CCSER2: variants seen among roughly 807,000 people sequenced by gnomAD.
CCSER2 encodes the protein coiled-coil serine rich protein 2.
A neutral mutation model predicts 92.3 loss-of-function variants in CCSER2; 46 were observed. The ratio of observed to expected loss-of-function variants is 0.50; its 90% CI spans 0.39 to 0.64. CCSER2 has a LOEUF of 0.64. Among genes scored for constraint, CCSER2 ranks in the 30% least tolerant of loss-of-function variants. The pLI, the probability that CCSER2 is intolerant of heterozygous loss-of-function variation, is 0.00. For missense variants in CCSER2, 1,244 were observed against 1,238.9 expected, an observed-to-expected ratio of 1.00 and a Z score of -0.06; for synonymous variants, 433 against 431.4, an observed-to-expected ratio of 1.00 and a Z score of -0.04.
At chr10:84,446,772 C>T (rs1240225305) in intron 6 of CCSER2, among the ~76,000 whole-genome samples, 1 of 151,988 alleles carries the variant, frequency 6.6e-6, no homozygotes. Flanking sequence ...TAGAGTTTTC[C>T]CTTGTTTTTC....
intron 6 of CCSER2, among the ~76,000 whole-genome samples, chr10:84,463,205 C>T (rs1180371994): frequency 6.6e-6 from 1 of 152,078 alleles, no homozygotes; most frequent in Non-Finnish European, 1.5e-5. Context: ...TTATTTCAGC[C>T]TTTTTTGAGG....
intron 1 of CCSER2, among the ~76,000 whole-genome samples, chr10:84,330,813 TA>T (rs140056524): frequency 1.3e-5 from 2 of 151,940 alleles, no homozygotes; most frequent in East Asian, 1.9e-4. Context: ...CCAGTTATGT[TA>T]AAAAAAATCC....
chr10:84,457,314 T>TA lies in CCSER2; in HGVS notation c.2065-6617dup, dbSNP rs1564684999. 6.4e-4 allele frequency among the ~76,000 whole-genome samples: 45 copies of TA among 70,774 alleles called. 1 individual carries two copies. The highest frequency in any genetic ancestry group is 3.2e-3 in the East Asian group (8 of 2,492). The allele number at this position is 70,774 out of a possible 152,430, so 46.4% of individuals were successfully genotyped here. On this transcript the variant is annotated intron_variant, in intron 6 of 9. Coordinates refer to ENST00000372088, the MANE Select transcript of CCSER2 (RefSeq NM_001284240.2). The stretch of plus-strand genomic sequence containing the variant: ...TATATTATATATAATATGTTATATA[T>TA]AATATATTATATATAATATATTATA...
intron 3 of CCSER2, among the ~76,000 whole-genome samples, chr10:84,412,390 C>G (rs1408722434): frequency 6.6e-6 from 1 of 151,418 alleles, no homozygotes; most frequent in Non-Finnish European, 1.5e-5. Flanking sequence ...TTGTGTACCT[C>G]TGATAGAATT....
At chr10:84,340,834 C>T (rs537512309) in intron 1 of CCSER2, among the ~76,000 whole-genome samples, 1 of 152,102 alleles carries the variant, frequency 6.6e-6, no homozygotes, top group African/African-American at 2.4e-5. Flanking sequence ...GTTCAACAAA[C>T]GTTTTTTGGC....
At chr10:84,453,855 TC>T (rs796430474) in intron 6 of CCSER2, among the ~76,000 whole-genome samples, 39 of 152,332 alleles carry the variant, frequency 2.6e-4, no homozygotes, top group African/African-American at 8.7e-4. Context: ...ATTAATACTT[TC>T]CTTCTTTAAT....
At chr10:84,396,548 G>A (rs1841851104) in intron 3 of CCSER2, among the ~76,000 whole-genome samples, 1 of 151,824 alleles carries the variant, frequency 6.6e-6, no homozygotes, top group Non-Finnish European at 1.5e-5. Context: ...TTTGGGTTCT[G>A]CCCACATCGT....
At chr10:84,464,104 G>T in intron 7 of CCSER2, 88 bp downstream of exon 7, 1 of 660,310 alleles carries the variant, frequency 1.5e-6, no homozygotes, top group South Asian at 2.0e-5. Context: ...AATAATAAAT[G>T]TATTAATACC....
chr10:84,508,509 G>A (rs946193373), intron 9 of CCSER2, among the ~76,000 whole-genome samples: 7 of 152,156 alleles, frequency 4.6e-5, no homozygotes, highest in Non-Finnish European at 1.0e-4. Flanking sequence ...GATAGAGCCA[G>A]GATTCAAACT....
rs371422531 is a variant in CCSER2 at position 84,512,932 on chromosome 10, CTG to C, written c.2326-516_2326-515del. Among the ~76,000 whole-genome samples the C allele has an allele frequency of 4.3e-4, 65 of 152,282 alleles. No homozygotes were observed. In the East Asian group the frequency reaches 9.6e-3, roughly 23 times the overall value. On this transcript the variant is annotated intron_variant, in intron 9 of 9. Transcript: ENST00000372088. ...TTAAATAAATAGAATTTCACATAAA[CTG>C]AGAATATAGTGATTTACTCTAAATC...
chr10:84,409,755 T>C (rs941215700), intron 3 of CCSER2, among the ~76,000 whole-genome samples: 1 of 152,216 alleles, frequency 6.6e-6, no homozygotes, highest in Non-Finnish European at 1.5e-5. Flanking sequence ...AGTTTATTTT[T>C]CTTCGACTTT....
chr10:84,354,200 C>A (rs1021827726), intron 1 of CCSER2, among the ~76,000 whole-genome samples: 4 of 151,114 alleles, frequency 2.6e-5, no homozygotes, highest in African/African-American at 9.7e-5. Flanking sequence ...GAGACTCTAT[C>A]TCAAACAAAA....
chr10:84,490,473 G>A (rs980941853), intron 9 of CCSER2, among the ~76,000 whole-genome samples: 26 of 152,074 alleles, frequency 1.7e-4, no homozygotes, highest in South Asian at 1.0e-3. Context: ...TTCTGTTCTC[G>A]CTTCATTTCA....
intron 3 of CCSER2, among the ~76,000 whole-genome samples, chr10:84,396,965 G>A (rs370890374): frequency 1.3e-5 from 2 of 152,156 alleles, no homozygotes; most frequent in African/African-American, 4.8e-5. Flanking sequence ...ATAAACTGCC[G>A]TAATGACTAT....
intron 8 of CCSER2, 114 bp downstream of exon 8, chr10:84,470,572 C>G: frequency 2.4e-6 from 2 of 834,334 alleles, no homozygotes. Context: ...CAAAGTTGCA[C>G]TTTTATATTA....
intron 7 of CCSER2, among the ~76,000 whole-genome samples, chr10:84,465,771 G>A (rs563828902): frequency 2.1e-4 from 32 of 150,538 alleles, no homozygotes; most frequent in African/African-American, 7.8e-4. Flanking sequence ...TCTTTTTTGA[G>A]ATGGAGTCTT....
intron 3 of CCSER2, among the ~76,000 whole-genome samples, chr10:84,385,723 A>T (rs759968694): frequency 6.6e-6 from 1 of 152,242 alleles, no homozygotes; most frequent in Non-Finnish European, 1.5e-5. Context: ...CCTCAAAAGT[A>T]AATGCAACAA....
intron 9 of CCSER2, among the ~76,000 whole-genome samples, chr10:84,485,693 G>T (rs1033112456): frequency 5.9e-5 from 9 of 152,014 alleles, no homozygotes; most frequent in South Asian, 2.1e-4. Flanking sequence ...AAGCATTTTT[G>T]ATTTCTTTAA....
chr10:84,506,987 G>T (rs2131864162), intron 9 of CCSER2, among the ~76,000 whole-genome samples: 1 of 152,156 alleles, frequency 6.6e-6, no homozygotes, highest in South Asian at 2.1e-4. Flanking sequence ...ATTTTGTTTG[G>T]TAAGAGTCTT....
Sources: gnomAD v4.1 joint callset for allele counts (sites outside exome capture counted in the v4.1 genomes callset) on GRCh38, gnomAD v4.1.1 for gene constraint, MANE v1.5 for transcripts, NCBI Gene and HGNC (gene_info 2026-07-23, HGNC 2026-07-21) for gene names.